USF3: variants seen among roughly 807,000 people sequenced by gnomAD.
USF3 encodes basic helix-loop-helix domain-containing protein USF3.
In USF3, 29 loss-of-function variants were observed where a neutral mutation model predicts 157.5. The ratio of observed to expected loss-of-function variants is 0.18; its 90% CI spans 0.14 to 0.25. USF3 has a LOEUF of 0.25. Among genes scored for constraint, USF3 ranks in the 10% least tolerant of loss-of-function variants. The pLI is 1.00. For synonymous variants in USF3, 893 were observed against 941.4 expected, an observed-to-expected ratio of 0.95 and a Z score of 0.94; for missense variants, 2,381 against 2,667.6, an observed-to-expected ratio of 0.89 and a Z score of 2.37.
At chr3:113,683,994 C>T (rs533748010) in intron 1 of USF3, among the ~76,000 whole-genome samples, 1 of 152,234 alleles carries the variant, frequency 6.6e-6, no homozygotes, top group Admixed American at 6.5e-5. Context: ...ACATCTTTTT[C>T]TTTCAAGTTG....
chr3:113,683,865 G>A (rs981779426), intron 1 of USF3, among the ~76,000 whole-genome samples: 2 of 152,124 alleles, frequency 1.3e-5, no homozygotes, highest in African/African-American at 4.8e-5. Flanking sequence ...TTGTCTTTTA[G>A]TCTTCCTATT....
chr3:113,657,591 G>T lies in USF3; in HGVS notation c.4091C>A (p.Pro1364Gln). Residue 1364 changes from proline (P) to glutamine (Q), a missense_variant, in exon 7 of 7, where the codon CCA becomes CAA. Coordinates refer to ENST00000316407, the MANE Select transcript of USF3 (RefSeq NM_001009899.4). ...LESMSLMSRT[P>Q]DTISDQTQMM... ...TTGAGTTTGGTCAGAAATGGTGTCT[G>T]GAGTTCTGCTCATCAGGGACATACT... is the stretch of plus-strand genomic sequence containing the variant. 1 of 1,614,178 alleles carries T rather than the reference G, an allele frequency of 6.2e-7. No homozygotes were observed. Among genetic ancestry groups the T allele is most frequent in the Admixed American group, 1.7e-5 (1 of 60,010 alleles).
At chr3:113,681,109 C>A (rs186285268) in intron 1 of USF3, among the ~76,000 whole-genome samples, 24 of 152,186 alleles carry the variant, frequency 1.6e-4, no homozygotes, top group Non-Finnish European at 3.1e-4. Context: ...TCCCGAGTAA[C>A]TGGGATTACA....
rs1346368745 is a variant in USF3, at chr3:113,652,106, AGAGTGT to A, written c.*2832_*2837del. The stretch of plus-strand genomic sequence containing the variant: ...ACTGGAGAGAGAGAGAGAGAGAGAG[AGAGTGT>A]GTGTGTGTGTGTGTGTGTGTGTGTG... On this transcript the variant is annotated 3_prime_UTR_variant, in exon 7 of 7. Coordinates refer to ENST00000316407, the MANE Select transcript of USF3 (RefSeq NM_001009899.4). The A allele has an allele frequency of 3.8e-5, 5 of 129,934 alleles. No homozygotes were observed. The highest frequency in any genetic ancestry group is 1.1e-4 in the African/African-American group (4 of 35,000). The allele number at this position is 129,934 out of a possible 1,614,324, so 8.0% of individuals were successfully genotyped here.
chr3:113,658,113 T>C lies in USF3; in HGVS notation c.3569A>G (p.Glu1190Gly), dbSNP rs754872745. The change falls in exon 7 of 7, where the codon GAA becomes GGA. Residue 1190 changes from glutamate to glycine, a missense_variant. By Grantham distance (98) the Glu-to-Gly change is moderately conservative. This residue lies in a region of USF3 where 1,435 missense variants were observed against 1,550.9 expected (regional missense o/e 0.93). Coordinates refer to ENST00000316407, the MANE Select transcript of USF3 (RefSeq NM_001009899.4). ...IPKESGTGQAEATPNEFNSQG... is the reference protein window; with the variant it reads ...IPKESGTGQAGATPNEFNSQG... ...AGAATTAAATTCATTTGGTGTTGCT[T>C]CTGCCTGTCCTGTGCCACTCTCTTT... 17 of 1,613,954 alleles carry C rather than the reference T, an allele frequency of 1.1e-5. No homozygotes were observed. The East Asian group carries it at 3.8e-4, about 36-fold the overall frequency.
At position 113,650,103 on chromosome 3, in the gene USF3, G is replaced by C; in HGVS notation, c.*4841C>G. On this transcript the variant is annotated 3_prime_UTR_variant, in exon 7 of 7. Transcript: ENST00000316407. ...CACAGCCACAGGCGCACTACCTCCA[G>C]GCAAAGGTAGCATTTATATAGACAA... 2.0e-6 allele frequency: 1 copy of C among 507,622 alleles called. No homozygotes were observed. Among genetic ancestry groups the C allele is most frequent in the Non-Finnish European group, 3.5e-6 (1 of 286,736 alleles). The allele number at this position is 507,622 out of a possible 1,614,324, so 31.4% of individuals were successfully genotyped here. A position where few individuals can be genotyped will look rare whatever the true frequency, so the allele number is the denominator to read the frequency against.
At position 113,652,155 on chromosome 3, in the gene USF3, G is replaced by A. The variant is rs1357988721; in HGVS notation, c.*2789C>T. Reference sequence around the variant, plus strand: ...TGTGTGTGTGTATATGTGTATGAGAGACAGAGACAGAGGCAGTGAGAGACA... The same window carrying A: ...TGTGTGTGTGTATATGTGTATGAGAAACAGAGACAGAGGCAGTGAGAGACA... On this transcript the variant is annotated 3_prime_UTR_variant, in exon 7 of 7. Transcript: ENST00000316407. 6.6e-6 allele frequency: 1 copy of A among 151,902 alleles called. No homozygotes were observed. Among genetic ancestry groups the A allele is most frequent in the Non-Finnish European group, 1.5e-5 (1 of 68,014 alleles). The allele number at this position is 151,902 out of a possible 1,614,324, so 9.4% of individuals were successfully genotyped here. A position where few individuals can be genotyped will look rare whatever the true frequency, so the allele number is the denominator to read the frequency against.
At chr3:113,676,700 G>T (rs1160232307) in intron 2 of USF3, among the ~76,000 whole-genome samples, 1 of 152,174 alleles carries the variant, frequency 6.6e-6, no homozygotes, top group African/African-American at 2.4e-5. Context: ...TGGAGGAGGT[G>T]CAAGTGTGGT....
chr3:113,660,002 G>C lies in USF3; in HGVS notation c.1680C>G (p.Thr560=). The C allele has an allele frequency of 6.2e-7, 1 of 1,614,178 alleles. No individual in the cohort carries two copies. Among genetic ancestry groups the C allele is most frequent in the Non-Finnish European group, 8.5e-7 (1 of 1,180,016 alleles). ...CCCTCATCACTGTTGGGCATGGGGTGGTGCTAGGTGGCTGAAGAATTATAA... is the reference window on the plus strand; with the variant it reads ...CCCTCATCACTGTTGGGCATGGGGTCGTGCTAGGTGGCTGAAGAATTATAA... ...QNVIILQPPS[T]TPCPTVMRAE... is the part of the protein sequence containing the mutation. Residue 560 remains threonine, a synonymous_variant, in exon 7 of 7, where the codon ACC becomes ACG. Coordinates refer to ENST00000316407, the MANE Select transcript of USF3 (RefSeq NM_001009899.4).
intron 1 of USF3, among the ~76,000 whole-genome samples, chr3:113,686,959 C>G (rs1707564090): frequency 6.6e-6 from 1 of 152,094 alleles, no homozygotes; most frequent in African/African-American, 2.4e-5. Flanking sequence ...GAAGTGAATA[C>G]TAAGTCTAGC....
intron 6 of USF3, 29 bp from the exon 7 acceptor site, chr3:113,661,454 A>G: frequency 7.9e-7 from 1 of 1,261,140 alleles, no homozygotes; most frequent in Non-Finnish European, 1.1e-6. Context: ...AAATTTATAA[A>G]TACCTGAGAA....
Position 113,660,788 on chromosome 3 carries a change from A to G in USF3, c.894T>C (p.Pro298=). 6 of 1,614,174 alleles carry G rather than the reference A, an allele frequency of 3.7e-6. No homozygotes were observed. The highest frequency in any genetic ancestry group is 4.2e-6 in the Non-Finnish European group (5 of 1,180,012). ...AGCTGTGGGGGATGTTTGTAACACA[A>G]GGGGTCATTTTCTTCAATACTTTGG... ...ENPKVLKKMT[P]CVTNIPHSSS... Residue 298 remains proline (P), a synonymous_variant, in exon 7 of 7, where the codon CCT becomes CCC. Coordinates refer to ENST00000316407, the MANE Select transcript of USF3 (RefSeq NM_001009899.4).
At position 113,655,020 on chromosome 3, in the gene USF3, G is replaced by A; in HGVS notation, c.6662C>T (p.Ser2221Phe). The change falls in exon 7 of 7, where the codon TCT becomes TTT. Residue 2221 changes from serine (S) to phenylalanine (F), a missense_variant. Physicochemically the swap from Ser to Phe is radical, Grantham distance 155 (BLOSUM62 -2). Around this residue, in one of 6 missense-constraint regions of USF3, gnomAD observed 20 missense variants for 36.6 expected, o/e 0.55. Coordinates refer to ENST00000316407, the MANE Select transcript of USF3 (RefSeq NM_001009899.4). ...LTIANSSASD[S>F]SKQSSNRPAH... is the part of the protein sequence containing the mutation. Reference sequence around the variant, plus strand: ...AGGTCTGTTTGAGGACTGCTTGGAAGAGTCAGAGGCAGAGGAATTTGCTAT... The same window carrying A: ...AGGTCTGTTTGAGGACTGCTTGGAAAAGTCAGAGGCAGAGGAATTTGCTAT... 8 of 1,614,190 alleles carry A rather than the reference G, an allele frequency of 5.0e-6. No individual in the cohort carries two copies. The highest frequency in any genetic ancestry group is 5.9e-6 in the Non-Finnish European group (7 of 1,180,000).
intron 1 of USF3, among the ~76,000 whole-genome samples, chr3:113,693,080 A>G (rs1173973981): frequency 1.3e-5 from 2 of 152,236 alleles, no homozygotes; most frequent in Non-Finnish European, 2.9e-5. Context: ...AGCAAAATCA[A>G]TTAATGCCAA....
Position 113,661,252 on chromosome 3 carries a change from G to T in USF3, c.430C>A (p.Gln144Lys), listed in dbSNP as rs1407793201. Residue 144 changes from glutamine to lysine, a missense_variant, in exon 7 of 7, where the codon CAA becomes AAA. Physicochemically the swap from Gln to Lys is moderately conservative, Grantham distance 53. Coordinates refer to ENST00000316407, the MANE Select transcript of USF3 (RefSeq NM_001009899.4). ...TTGGAATAAACAATAATTTTTTTTTGAACCTGGTCACTAGGAATAACAACA... is the reference window on the plus strand; with the variant it reads ...TTGGAATAAACAATAATTTTTTTTTTAACCTGGTCACTAGGAATAACAACA... ...VSVVIPSDQV[Q>K]KKIIVYSNGN... 1 of 1,612,496 alleles carries T rather than the reference G, an allele frequency of 6.2e-7. No individual in the cohort carries two copies. Among genetic ancestry groups the T allele is most frequent in the South Asian group, 1.1e-5 (1 of 90,852 alleles).
Position 113,659,404 on chromosome 3 carries a change from G to C in USF3, c.2278C>G (p.Pro760Ala). The C allele has an allele frequency of 6.2e-7, 1 of 1,614,234 alleles. No homozygotes were observed. The highest frequency in any genetic ancestry group is 8.5e-7 in the Non-Finnish European group (1 of 1,180,036). Reference sequence around the variant, plus strand: ...GTGGCTGAACTATCTGTTGTCACAGGAGGTGCTGCAGTTGTTGTTAATGAA... The same window carrying C: ...GTGGCTGAACTATCTGTTGTCACAGCAGGTGCTGCAGTTGTTGTTAATGAA... ...CVSLTTTAAPPVTTDSSATLA... is the reference protein window; with the variant it reads ...CVSLTTTAAPAVTTDSSATLA... The change falls in exon 7 of 7, where the codon CCT becomes GCT. Residue 760 changes from proline (P) to alanine (A), a missense_variant. Physicochemically the swap from Pro to Ala is conservative, Grantham distance 27. Around this residue, in one of 6 missense-constraint regions of USF3, gnomAD observed 1,435 missense variants for 1,550.9 expected, o/e 0.93. Transcript: ENST00000316407.
chr3:113,692,200 G>A (rs1242376237), intron 1 of USF3, among the ~76,000 whole-genome samples: 2 of 152,162 alleles, frequency 1.3e-5, no homozygotes, highest in African/African-American at 2.4e-5. Context: ...GGGGACCCCT[G>A]CCTTAGAGGT....
At chr3:113,662,410 C>G (rs1397449298) in intron 6 of USF3, among the ~76,000 whole-genome samples, 1 of 152,218 alleles carries the variant, frequency 6.6e-6, no homozygotes, top group Non-Finnish European at 1.5e-5. Context: ...GGTATATGCT[C>G]TGTGACCCCA....
chr3:113,660,168 G>C lies in USF3; in HGVS notation c.1514C>G (p.Pro505Arg), dbSNP rs1427623462. Residue 505 changes from proline (P) to arginine (R), a missense_variant, in exon 7 of 7, where the codon CCT (proline) becomes CGT (arginine). By Grantham distance (103) the Pro-to-Arg change is moderately radical. Coordinates refer to ENST00000316407, the MANE Select transcript of USF3 (RefSeq NM_001009899.4). ...VVTLPSCPSL[P>R]MQPLIAQPQV... is the part of the protein sequence containing the mutation. ...TGGCTGGGCAATTAGTGGCTGCATA[G>C]GTAAAGATGGACAAGAAGGCAATGT... is the stretch of plus-strand genomic sequence containing the variant. 1 of 1,614,162 alleles carries C rather than the reference G, an allele frequency of 6.2e-7. No homozygotes were observed. Among genetic ancestry groups the C allele is most frequent in the South Asian group, 1.1e-5 (1 of 91,080 alleles).
Sources: allele counts gnomAD v4.1 joint callset (sites outside exome capture counted in the v4.1 genomes callset), GRCh38; gene constraint gnomAD v4.1.1; regional missense constraint gnomAD v4.1.1; transcripts MANE v1.5; gene names NCBI Gene and HGNC (gene_info 2026-07-23, HGNC 2026-07-21).